The following ADCY8 variants were observed in gnomAD, a reference collection of about 807,000 sequenced individuals.
ADCY8 encodes the protein adenylate cyclase type 8.
A neutral mutation model predicts 119.7 loss-of-function variants in ADCY8; 51 were observed. The ratio of observed to expected loss-of-function variants is 0.43; its 90% CI spans 0.34 to 0.54. ADCY8 has a LOEUF of 0.54. ADCY8 is among the 20% of genes least tolerant of loss of function. The probability of loss-of-function intolerance (pLI) is 0.03; values close to 1 mark genes in which losing one functional copy is unlikely to be tolerated. For missense variants in ADCY8, 1,383 were observed against 1,598.8 expected (o/e 0.87, Z 2.30); for synonymous variants, 665 against 651.0 (o/e 1.02, Z -0.33).
At chr8:130,877,676 G>A (rs1036503757) in intron 8 of ADCY8, among the ~76,000 whole-genome samples, 1 of 152,226 alleles carries the variant, frequency 6.6e-6, no homozygotes, top group Non-Finnish European at 1.5e-5. Context: ...CATCCTTGAA[G>A]AGAGAAACAA....
chr8:130,851,373 T>G (rs1210383359), intron 9 of ADCY8, among the ~76,000 whole-genome samples: 1 of 151,966 alleles, frequency 6.6e-6, no homozygotes, highest in African/African-American at 2.4e-5. Context: ...TGACATTGGG[T>G]TAGGCTGTGA....
chr8:130,831,780 G>A (rs188962830), intron 12 of ADCY8, among the ~76,000 whole-genome samples: 181 of 152,332 alleles, frequency 1.2e-3, no homozygotes, highest in African/African-American at 4.0e-3. Flanking sequence ...GGGGAATTGA[G>A]AGTGGAGTTT....
At chr8:130,994,600 A>G (rs1002327168) in intron 1 of ADCY8, among the ~76,000 whole-genome samples, 1 of 152,230 alleles carries the variant, frequency 6.6e-6, no homozygotes, top group Non-Finnish European at 1.5e-5. Flanking sequence ...CAGTTAAATA[A>G]ACAACTGTGA....
intron 1 of ADCY8, among the ~76,000 whole-genome samples, chr8:131,026,890 C>CTAT (rs1823839931): frequency 6.6e-6 from 1 of 152,130 alleles, no homozygotes; most frequent in Non-Finnish European, 1.5e-5. Flanking sequence ...ACCTCCTGAG[C>CTAT]TATTATTATT....
intron 14 of ADCY8, among the ~76,000 whole-genome samples, chr8:130,802,841 CT>C (rs924063728): frequency 6.6e-6 from 1 of 152,224 alleles, no homozygotes; most frequent in African/African-American, 2.4e-5. Context: ...ATTAACACCC[CT>C]CAGAAGCAGC....
intron 15 of ADCY8, among the ~76,000 whole-genome samples, chr8:130,795,599 C>G (rs984610083): frequency 6.6e-6 from 1 of 152,198 alleles, no homozygotes; most frequent in Non-Finnish European, 1.5e-5. Flanking sequence ...GTAATATCCT[C>G]CAGGTCTCAT....
intron 16 of ADCY8, among the ~76,000 whole-genome samples, chr8:130,784,708 G>A (rs975704239): frequency 6.6e-6 from 1 of 152,164 alleles, no homozygotes; most frequent in Non-Finnish European, 1.5e-5. Context: ...GATCCCTGCT[G>A]CACACGTACC....
At chr8:130,821,445 T>C (rs1331788646) in intron 12 of ADCY8, 25 bp from the exon 13 acceptor site, 1 of 1,585,908 alleles carries the variant, frequency 6.3e-7, no homozygotes, top group Non-Finnish European at 8.7e-7. Context: ...AAGGAACTGA[T>C]AACCATGGGG....
chr8:130,803,424 C>G (rs1230833885), intron 14 of ADCY8, among the ~76,000 whole-genome samples: 1 of 152,178 alleles, frequency 6.6e-6, no homozygotes. Flanking sequence ...GGGCAAAAAC[C>G]ACATGCCATT....
intron 5 of ADCY8, among the ~76,000 whole-genome samples, chr8:130,933,635 CA>C (rs1349095323): frequency 6.6e-6 from 1 of 152,140 alleles, no homozygotes; most frequent in Admixed American, 6.6e-5. Context: ...TTGATTCATA[CA>C]GTTTGAAAAA....
intron 2 of ADCY8, among the ~76,000 whole-genome samples, chr8:130,975,491 A>T (rs1006221544): frequency 6.6e-6 from 1 of 152,230 alleles, no homozygotes; most frequent in Admixed American, 6.5e-5. Flanking sequence ...TCCATTGTAG[A>T]AGCAAGAACC....
At chr8:131,007,031 T>C (rs573746997) in intron 1 of ADCY8, among the ~76,000 whole-genome samples, 1 of 152,136 alleles carries the variant, frequency 6.6e-6, no homozygotes, top group African/African-American at 2.4e-5. Flanking sequence ...CAAATGAAGA[T>C]AAACCATCTG....
At chr8:131,028,877 C>A (rs950525084) in intron 1 of ADCY8, among the ~76,000 whole-genome samples, 5 of 152,188 alleles carry the variant, frequency 3.3e-5, no homozygotes, top group African/African-American at 1.2e-4. Context: ...GTACCTCCTG[C>A]CCCCAGCTGT....
intron 14 of ADCY8, among the ~76,000 whole-genome samples, chr8:130,811,279 A>C (rs1244733519): frequency 6.6e-6 from 1 of 152,122 alleles, no homozygotes; most frequent in Non-Finnish European, 1.5e-5. Flanking sequence ...TCAGATGAAA[A>C]ATGGACCTCA....
At chr8:130,939,613 C>A (rs560412124) in intron 4 of ADCY8, among the ~76,000 whole-genome samples, 4 of 152,202 alleles carry the variant, frequency 2.6e-5, no homozygotes, top group Non-Finnish European at 5.9e-5. Flanking sequence ...CTGACATCTG[C>A]ATTCCAGAGA....
chr8:130,947,281 G>C (rs938462387), intron 3 of ADCY8, among the ~76,000 whole-genome samples: 1 of 152,110 alleles, frequency 6.6e-6, no homozygotes, highest in African/African-American at 2.4e-5. Context: ...AGATGTGTTC[G>C]GTGTTCCAAT....
chr8:130,793,694 A>G (rs1381004077), intron 15 of ADCY8, among the ~76,000 whole-genome samples: 1 of 152,242 alleles, frequency 6.6e-6, no homozygotes, highest in Non-Finnish European at 1.5e-5. Context: ...TCACTGTCAC[A>G]TGGACTTCAT....
At chr8:130,852,217 T>C (rs1817553672) in intron 9 of ADCY8, among the ~76,000 whole-genome samples, 1 of 152,240 alleles carries the variant, frequency 6.6e-6, no homozygotes, top group South Asian at 2.1e-4. Context: ...GGCTGGAAAG[T>C]GACTCCTCCC....
intron 2 of ADCY8, among the ~76,000 whole-genome samples, chr8:130,986,644 A>C (rs1822409803): frequency 6.6e-6 from 1 of 152,186 alleles, no homozygotes; most frequent in Non-Finnish European, 1.5e-5. Flanking sequence ...ACACATTAGG[A>C]GGGAGGTGGA....
Sources: gnomAD v4.1 joint callset for allele counts (sites outside exome capture counted in the v4.1 genomes callset) on GRCh38, gnomAD v4.1.1 for gene constraint, MANE v1.5 for transcripts, NCBI Gene and HGNC (gene_info 2026-07-23, HGNC 2026-07-21) for gene names.